Variants in CORO1C observed in about 807,000 individuals in gnomAD.
The protein encoded by CORO1C is coronin 1C, also known as coronin-1C.
A neutral mutation model predicts 51.2 loss-of-function variants in CORO1C; 14 were observed. The observed-to-expected ratio is 0.27, with a 90% CI of 0.18 to 0.43. The LOEUF (loss-of-function observed/expected upper bound fraction) is 0.43. CORO1C is among the 20% of genes least tolerant of loss of function. The pLI is 1.00. For missense variants in CORO1C, 417 were observed against 607.8 expected (o/e 0.69, Z 3.30); for synonymous variants, 181 against 210.5 (o/e 0.86, Z 1.21).
At position 108,704,112 on chromosome 12, in the gene CORO1C, T is replaced by C. The variant is rs183440249; in HGVS notation, c.-5-2789A>G. On this transcript the variant is annotated intron_variant, in intron 1 of 10. Coordinates refer to ENST00000261401, the MANE Select transcript of CORO1C (RefSeq NM_014325.4). Reference sequence around the variant, plus strand: ...AAAAATAGGAAGATTAATATAAATATGTAAAATGCTTTGTCTTCATTGAAA... The same window carrying C: ...AAAAATAGGAAGATTAATATAAATACGTAAAATGCTTTGTCTTCATTGAAA... Among the ~76,000 whole-genome samples the C allele has an allele frequency of 2.6e-4, 40 of 152,290 alleles. No individual in the cohort carries two copies. In the East Asian group the frequency reaches 6.4e-3, roughly 24 times the overall value.
intron 1 of CORO1C, among the ~76,000 whole-genome samples, chr12:108,716,938 G>C (rs1054304196): frequency 6.6e-6 from 1 of 152,208 alleles, no homozygotes; most frequent in Non-Finnish European, 1.5e-5. Context: ...TGCTAGACAT[G>C]AGAGACACAA....
chr12:108,651,728 T>C (rs867777101), intron 8 of CORO1C, among the ~76,000 whole-genome samples: 37 of 152,370 alleles, frequency 2.4e-4, no homozygotes, highest in African/African-American at 8.7e-4. Flanking sequence ...CTATGCTGCT[T>C]CATTGTTGCA....
intron 3 of CORO1C, among the ~76,000 whole-genome samples, chr12:108,673,991 T>C (rs139481559): frequency 2.8e-4 from 43 of 152,264 alleles, no homozygotes; most frequent in African/African-American, 9.6e-4. Flanking sequence ...CATGGTTTAC[T>C]GAATATTTTA....
At chr12:108,671,682 T>C (rs1394845377) in intron 3 of CORO1C, among the ~76,000 whole-genome samples, 1 of 152,180 alleles carries the variant, frequency 6.6e-6, no homozygotes, top group Non-Finnish European at 1.5e-5. Context: ...AATCTGACTT[T>C]GACAGCAACA....
chr12:108,717,988 C>T (rs1012069411), intron 1 of CORO1C, among the ~76,000 whole-genome samples: 4 of 152,166 alleles, frequency 2.6e-5, no homozygotes, highest in East Asian at 3.9e-4. Context: ...GAGGCCAAGG[C>T]GGGTGGATCA....
chr12:108,717,361 C>G (rs559091374), intron 1 of CORO1C, among the ~76,000 whole-genome samples: 1 of 152,342 alleles, frequency 6.6e-6, no homozygotes, highest in African/African-American at 2.4e-5. Context: ...AGGATTTTAT[C>G]TGTACTTGCA....
intron 3 of CORO1C, among the ~76,000 whole-genome samples, chr12:108,667,201 A>G (rs1460122377): frequency 1.3e-5 from 2 of 152,224 alleles, no homozygotes; most frequent in Non-Finnish European, 2.9e-5. Flanking sequence ...CTTGTCTTCA[A>G]ATTAATTCAG....
intron 4 of CORO1C, among the ~76,000 whole-genome samples, chr12:108,660,796 G>C (rs749065871): frequency 6.6e-6 from 1 of 152,270 alleles, no homozygotes; most frequent in Non-Finnish European, 1.5e-5. Flanking sequence ...GAGGTTCTGA[G>C]AGAACATCAA....
intron 1 of CORO1C, among the ~76,000 whole-genome samples, chr12:108,714,929 A>G (rs2035285729): frequency 6.6e-6 from 1 of 152,208 alleles, no homozygotes; most frequent in South Asian, 2.1e-4. Context: ...CTAAGCACTC[A>G]CTGGCAATGT....
In CORO1C at chr12:108,686,442, A is replaced by G. The variant is rs1045501063; in HGVS notation, c.196-8048T>C. 2.6e-5 allele frequency among the ~76,000 whole-genome samples: 4 copies of G among 152,266 alleles called. No homozygotes were observed. The East Asian group carries it at 7.7e-4, about 29-fold the overall frequency. ...CACCAATCTTCTAAAGCTTAGAGAT[A>G]GAAAAACTTCACTTTACTAACAGAT... On this transcript the variant is annotated intron_variant, in intron 2 of 10. Coordinates refer to ENST00000261401, the MANE Select transcript of CORO1C (RefSeq NM_014325.4).
intron 6 of CORO1C, 138 bp from the exon 7 acceptor site, chr12:108,654,548 C>T: frequency 1.9e-6 from 1 of 527,094 alleles, no homozygotes; most frequent in Non-Finnish European, 3.4e-6. Context: ...TTGAACTATG[C>T]ACATACAATA....
chr12:108,701,136 G>A lies in CORO1C; in HGVS notation c.183C>T (p.Leu61=). The change falls in exon 2 of 11, where the codon CTC becomes CTT. Residue 61 remains leucine, a synonymous_variant. Transcript: ENST00000261401. ...EASGGGAFLV[L]PLHKTGRIDK... ...TCAAATTACCTACCTTGTGCAGAGG[G>A]AGGACAAGGAACGCTCCTCCCCCAC... 6.2e-7 allele frequency: 1 copy of A among 1,614,094 alleles called. No homozygotes were observed. The highest frequency in any genetic ancestry group is 1.3e-5 in the African/African-American group (1 of 75,020).
chr12:108,699,709 T>TA (rs1209956272), intron 2 of CORO1C, among the ~76,000 whole-genome samples: 1 of 152,250 alleles, frequency 6.6e-6, no homozygotes, highest in Admixed American at 6.5e-5. Flanking sequence ...GAAGAACACT[T>TA]ATAACAGTGT....
rs567146534 is a variant in CORO1C at position 108,647,278 on chromosome 12, T to G, written c.*125A>C. 1.2e-6 allele frequency: 1 copy of G among 861,856 alleles called. No individual in the cohort carries two copies. Among genetic ancestry groups the G allele is most frequent in the Non-Finnish European group, 1.7e-6 (1 of 581,836 alleles). The allele number at this position is 861,856 out of a possible 1,614,324, so 53.4% of individuals were successfully genotyped here. ...ATGTGGCCTATCGCTGGTTGACAAA[T>G]CTGAAATGGAATGTCTCCAAATGGC... On this transcript the variant is annotated 3_prime_UTR_variant, in exon 11 of 11. Coordinates refer to ENST00000261401, the MANE Select transcript of CORO1C (RefSeq NM_014325.4).
chr12:108,673,512 T>C (rs1159717881), intron 3 of CORO1C, among the ~76,000 whole-genome samples: 3 of 152,214 alleles, frequency 2.0e-5, no homozygotes, highest in Non-Finnish European at 4.4e-5. Context: ...CTGGATAAGA[T>C]CATTGATGAA....
chr12:108,707,527 A>T (rs1467091349), intron 1 of CORO1C, among the ~76,000 whole-genome samples: 2 of 152,204 alleles, frequency 1.3e-5, no homozygotes, highest in African/African-American at 4.8e-5. Flanking sequence ...AAAACTATAA[A>T]ACTCTGAGAA....
chr12:108,706,803 C>T (rs756073401), intron 1 of CORO1C, among the ~76,000 whole-genome samples: 1 of 152,084 alleles, frequency 6.6e-6, no homozygotes, highest in Non-Finnish European at 1.5e-5. Flanking sequence ...AGACTGGTCT[C>T]GAACTCTTGA....
At chr12:108,714,962 T>C (rs978868618) in intron 1 of CORO1C, among the ~76,000 whole-genome samples, 4 of 152,188 alleles carry the variant, frequency 2.6e-5, no homozygotes, top group Non-Finnish European at 4.4e-5. Context: ...AGTGAGCGCA[T>C]TGCAGAGCGT....
intron 2 of CORO1C, among the ~76,000 whole-genome samples, chr12:108,692,793 G>GC (rs2093471615): frequency 9.8e-6 from 1 of 102,526 alleles, no homozygotes; most frequent in East Asian, 2.5e-4. Context: ...TTAGACCACA[G>GC]CTTTTTTTTT....
Sources: gnomAD v4.1 joint callset for allele counts (sites outside exome capture counted in the v4.1 genomes callset) on GRCh38, gnomAD v4.1.1 for gene constraint, MANE v1.5 for transcripts, NCBI Gene and HGNC (gene_info 2026-07-23, HGNC 2026-07-21) for gene names.